The following SOHLH1 variants were observed in gnomAD, a reference collection of about 807,000 sequenced individuals.
The protein encoded by SOHLH1 is spermatogenesis- and oogenesis-specific basic helix-loop-helix-containing protein 1.
Under a neutral mutation model 36.2 loss-of-function variants are expected in SOHLH1, and 23 were observed. The ratio of observed to expected loss-of-function variants is 0.64; its 90% CI spans 0.46 to 0.90. The LOEUF (loss-of-function observed/expected upper bound fraction) is 0.90. Ranked by LOEUF, SOHLH1 falls within the 40% of genes least tolerant of loss-of-function variation. SOHLH1 has a pLI of 0.00. For synonymous variants in SOHLH1, 289 were observed against 228.3 expected (o/e 1.27, Z -2.40); for missense variants, 608 against 517.0 (o/e 1.18, Z -1.71).
chr9:135,697,373 T>G, intron 4 of SOHLH1, 133 bp downstream of exon 4: 3 of 1,357,438 alleles, frequency 2.2e-6, no homozygotes, highest in Non-Finnish European at 3.0e-6. Context: ...GGCAGGGCCC[T>G]GGGCAGGTCA....
At chr9:135,696,861 C>G in intron 4 of SOHLH1, 56 bp from the exon 5 acceptor site, 2 of 1,572,344 alleles carry the variant, frequency 1.3e-6, no homozygotes, top group Admixed American at 1.8e-5. Context: ...CCCTGGAAGG[C>G]TGCCCCCACC....
intron 7 of SOHLH1, 109 bp downstream of exon 7, chr9:135,694,278 A>G: frequency 6.3e-7 from 1 of 1,578,230 alleles, no homozygotes; most frequent in Non-Finnish European, 8.6e-7. Flanking sequence ...GGGGGCTCAG[A>G]CACAGACCCT....
chr9:135,694,206 A>C, intron 7 of SOHLH1, 181 bp downstream of exon 7: 1 of 1,448,076 alleles, frequency 6.9e-7, no homozygotes, highest in South Asian at 1.5e-5. Flanking sequence ...ACACTCACAT[A>C]TCACCTATAA....
At position 135,696,788 on chromosome 9, in the gene SOHLH1, G is replaced by A. The variant is rs774707931; in HGVS notation, c.485C>T (p.Ala162Val). 4.3e-6 allele frequency: 7 copies of A among 1,612,898 alleles called. No homozygotes were observed. The South Asian group carries it at 4.4e-5, about 10-fold the overall frequency. ...CAGGGACCAAGGACTTTCCAGAAAC[G>A]CCTTCACATCTGGGGTTCTAGAAGG... is the stretch of plus-strand genomic sequence containing the variant. ...SSGTRTPDVKAFLESPWSLDP... is the reference protein window; with the variant it reads ...SSGTRTPDVKVFLESPWSLDP... The change falls in exon 5 of 8, where the codon GCG becomes GTG. Residue 162 changes from alanine (A) to valine (V), a missense_variant. Ala to Val is a moderately conservative substitution (Grantham distance 64, BLOSUM62 0). Coordinates refer to ENST00000425225, the MANE Select transcript of SOHLH1 (RefSeq NM_001101677.2).
chr9:135,694,296 C>T lies in SOHLH1; in HGVS notation c.946+91G>A, dbSNP rs751812279. 79 of 1,596,988 alleles carry T rather than the reference C, an allele frequency of 4.9e-5. 1 individual carries two copies. The South Asian group carries it at 7.9e-4, about 16-fold the overall frequency. ...GGCTCAGACACAGACCCTGGGGCCC[C>T]CTGACACACGCTAGGCCTGAGTCCC... is the stretch of plus-strand genomic sequence containing the variant. On this transcript the variant is annotated intron_variant, in intron 7 of 7. Transcript: ENST00000425225.
chr9:135,699,041 G>A lies in SOHLH1; in HGVS notation c.151C>T (p.Pro51Ser), dbSNP rs547675615. 1 of 1,611,490 alleles carries A rather than the reference G, an allele frequency of 6.2e-7. No homozygotes were observed. Among genetic ancestry groups the A allele is most frequent in the African/African-American group, 1.3e-5 (1 of 75,018 alleles). Residue 51 changes from proline to serine, a missense_variant, in exon 2 of 8, where the codon CCC (proline) becomes TCC (serine). Physicochemically the swap from Pro to Ser is moderately conservative, Grantham distance 74. Transcript: ENST00000425225. Reference sequence around the variant, plus strand: ...ACGTTCCGCCGAAGGCAGGAGCTGGGACCCTCGGCCACCGTAGGGGCCTTG... The same window carrying A: ...ACGTTCCGCCGAAGGCAGGAGCTGGAACCCTCGGCCACCGTAGGGGCCTTG... The part of the protein sequence containing the change: ...PPKAPTVAEG[P>S]SSCLRRNVIS...
At chr9:135,694,861 C>A (rs1834725882) in intron 6 of SOHLH1, among the ~76,000 whole-genome samples, 189 bp downstream of exon 6, 1 of 152,214 alleles carries the variant, frequency 6.6e-6, no homozygotes, top group African/African-American at 2.4e-5. Context: ...TAGAAAGCCA[C>A]ACGGCAAGGC....
At chr9:135,698,856 G>A (rs1588235062) in intron 2 of SOHLH1, 139 bp downstream of exon 2, 4 of 1,224,158 alleles carry the variant, frequency 3.3e-6, no homozygotes, top group East Asian at 2.3e-5. Context: ...TTTACTTGGA[G>A]ATGTGCAGTC....
In SOHLH1 at chr9:135,695,157, C is replaced by T. The variant is rs749540912; in HGVS notation, c.768G>A (p.Met256Ile). 16 of 1,602,158 alleles carry T rather than the reference C, an allele frequency of 1.0e-5. No homozygotes were observed. The South Asian group carries it at 1.2e-4, about 12-fold the overall frequency. The change falls in exon 6 of 8, where the codon ATG becomes ATA. Residue 256 changes from methionine (M) to isoleucine (I), a missense_variant. Coordinates refer to ENST00000425225, the MANE Select transcript of SOHLH1 (RefSeq NM_001101677.2). ...PFSQQQTLPVMSGEALGWLGQ... is the reference protein window; with the variant it reads ...PFSQQQTLPVISGEALGWLGQ... ...CCAGCCAGCCAAGGGCCTCCCCGCT[C>T]ATCACGGGCAAGGTCTGCTGCTGCG... is the stretch of plus-strand genomic sequence containing the variant.
chr9:135,698,819 G>C (rs538425165), intron 2 of SOHLH1, among the ~76,000 whole-genome samples, 176 bp downstream of exon 2: 1 of 152,342 alleles, frequency 6.6e-6, no homozygotes, highest in South Asian at 2.1e-4. Flanking sequence ...AGGGGCTGCA[G>C]GATGTTCCCC....
rs146311290 is a variant in SOHLH1 at position 135,697,596 on chromosome 9, G to T, written c.377C>A (p.Ser126Ter). 2 of 1,612,400 alleles carry T rather than the reference G, an allele frequency of 1.2e-6. No individual in the cohort carries two copies. Among genetic ancestry groups the T allele is most frequent in the South Asian group, 1.1e-5 (1 of 91,034 alleles). ...ILASSKEMWH[S>*]LQEDVLQLTL... Reference sequence around the variant, plus strand: ...CAACTGTAAAACATCCTCCTGCAACGAGTGCCACATTTCCTTGGAGGAAGC... The same window carrying T: ...CAACTGTAAAACATCCTCCTGCAACTAGTGCCACATTTCCTTGGAGGAAGC... The change falls in exon 4 of 8, where the codon TCG (serine) becomes TAG (stop). Residue 126 changes from serine (S) to a stop codon, truncating the protein, a stop_gained. Coordinates refer to ENST00000425225, the MANE Select transcript of SOHLH1 (RefSeq NM_001101677.2). LOFTEE classifies it high-confidence loss of function.
Position 135,694,468 on chromosome 9 carries a change from C to T in SOHLH1, c.876-11G>A. ...GACCCCAACGCAGACCTGGAAGCGA[C>T]AAGCTCTTCCTCAGTGGCCACAAGC... On this transcript the variant is annotated splice_polypyrimidine_tract_variant and intron_variant, in intron 6 of 7. Transcript: ENST00000425225. The T allele has an allele frequency of 6.2e-7, 1 of 1,612,232 alleles. No homozygotes were observed.
rs940087322 is a variant in SOHLH1, at chr9:135,698,974, C to T, written c.197+21G>A. On this transcript the variant is annotated intron_variant, in intron 2 of 7. Transcript: ENST00000425225. ...CCACCCCTTTACAGCGCCCTCACCC[C>T]TGGGAGGCACCACCACTCACCTGCG... 13 of 1,611,288 alleles carry T rather than the reference C, an allele frequency of 8.1e-6. No individual in the cohort carries two copies. The East Asian group carries it at 2.5e-4, about 30-fold the overall frequency.
chr9:135,699,082 C>G lies in SOHLH1; in HGVS notation c.110G>C (p.Arg37Pro), dbSNP rs471525. 1 of 1,610,218 alleles carries G rather than the reference C, an allele frequency of 6.2e-7. No individual in the cohort carries two copies. The highest frequency in any genetic ancestry group is 8.5e-7 in the Non-Finnish European group (1 of 1,179,490). Residue 37 changes from arginine (R) to proline (P), a missense_variant, in exon 2 of 8, where the codon CGG (arginine) becomes CCG (proline). Arg to Pro is a moderately radical substitution (Grantham distance 103, BLOSUM62 -2). Coordinates refer to ENST00000425225, the MANE Select transcript of SOHLH1 (RefSeq NM_001101677.2). ...GALSCCEDSA[R>P]GSGPPKAPTV... ...AGGGGCCTTGGGCGGGCCCGAGCCCCGGGCCGAGTCCTCGCAGCAGGAGAG... is the reference window on the plus strand; with the variant it reads ...AGGGGCCTTGGGCGGGCCCGAGCCCGGGGCCGAGTCCTCGCAGCAGGAGAG...
chr9:135,698,123 C>T (rs1240072110), intron 3 of SOHLH1, among the ~76,000 whole-genome samples: 1 of 152,144 alleles, frequency 6.6e-6, no homozygotes, highest in Non-Finnish European at 1.5e-5. Context: ...GAAAGGAAGG[C>T]TTGCTCCTTT....
At chr9:135,701,542 T>G (rs1835035210), upstream of SOHLH1, among the ~76,000 whole-genome samples, 1 of 152,244 alleles carries the variant, frequency 6.6e-6, no homozygotes, top group African/African-American at 2.4e-5. Flanking sequence ...GGGGACCCTC[T>G]GCTTCCTAGT....
upstream of SOHLH1, chr9:135,699,664 G>A (rs1322548902): frequency 3.1e-6 from 2 of 649,082 alleles, no homozygotes; most frequent in Admixed American, 2.2e-5. Context: ...CCGCGTTCCT[G>A]CAAAGAAGGT....
chr9:135,699,915 C>CCCAGGCCTGGGGGAA (rs1448103070), upstream of SOHLH1, among the ~76,000 whole-genome samples: 1 of 151,956 alleles, frequency 6.6e-6, no homozygotes, highest in East Asian at 1.9e-4. Flanking sequence ...GCCTGGGGGA[C>CCCAGGCCTGGGGGAA]CCAGGGACAC....
At position 135,698,392 on chromosome 9, in the gene SOHLH1, C is replaced by T; in HGVS notation, c.282G>A (p.Leu94=). Residue 94 remains leucine (L), a synonymous_variant, in exon 3 of 8, where the codon CTG becomes CTA. Coordinates refer to ENST00000425225, the MANE Select transcript of SOHLH1 (RefSeq NM_001101677.2). ...GCCGCAGGAACTGCACAGACATCTC[C>T]AGGACCGAGGCCATGTCCTCCCGCC... The part of the protein sequence containing the change: ...DGRREDMASV[L]EMSVQFLRLA... The T allele has an allele frequency of 1.2e-6, 2 of 1,613,148 alleles. No homozygotes were observed. Among genetic ancestry groups the T allele is most frequent in the Non-Finnish European group, 1.7e-6 (2 of 1,180,040 alleles).
Sources: allele counts gnomAD v4.1 joint callset (sites outside exome capture counted in the v4.1 genomes callset), GRCh38; gene constraint gnomAD v4.1.1; transcripts MANE v1.5; gene names NCBI Gene and HGNC (gene_info 2026-07-23, HGNC 2026-07-21).